RPS23: variants seen among roughly 807,000 people sequenced by gnomAD.
The protein encoded by RPS23 is ribosomal protein S23.
For synonymous variants in RPS23, 66 were observed against 60.4 expected, an observed-to-expected ratio of 1.09 and a Z score of -0.43; for missense variants, 73 against 174.5, an observed-to-expected ratio of 0.42 and a Z score of 3.28.
chr5:82,275,576 G>A lies in RPS23; in HGVS notation c.*533C>T. Reference sequence around the variant, plus strand: ...GTAGACACATTACAACACAGATCCTGACACCTTTAAATAATAAACAGAGTG... The same window carrying A: ...GTAGACACATTACAACACAGATCCTAACACCTTTAAATAATAAACAGAGTG... On this transcript the variant is annotated 3_prime_UTR_variant, in exon 4 of 4. Coordinates refer to ENST00000296674, the MANE Select transcript of RPS23 (RefSeq NM_001025.5). 1 of 449,184 alleles carries A rather than the reference G, an allele frequency of 2.2e-6. No individual in the cohort carries two copies. The highest frequency in any genetic ancestry group is 3.8e-5 in the Admixed American group (1 of 26,428). 27.8% of individuals were successfully genotyped at this position (449,184 alleles called of 1,614,324 possible). A position where few individuals can be genotyped will look rare whatever the true frequency, so the allele number is the denominator to read the frequency against.
In RPS23 at chr5:82,278,345, A is replaced by G; in HGVS notation, c.-22T>C. On this transcript the variant is annotated 5_prime_UTR_variant, in exon 1 of 4. Coordinates refer to ENST00000296674, the MANE Select transcript of RPS23 (RefSeq NM_001025.5). ...CCATCCTGTCGGCGCCACGGGCCTG[A>G]GCGAAAGAGAGAAGCACCGCAGGAA... The G allele has an allele frequency of 1.9e-6, 3 of 1,607,316 alleles. No homozygotes were observed. The highest frequency in any genetic ancestry group is 2.5e-6 in the Non-Finnish European group (3 of 1,177,454).
In RPS23 at chr5:82,274,939, G is replaced by T; in HGVS notation, c.*1170C>A. 1 of 415,924 alleles carries T rather than the reference G, an allele frequency of 2.4e-6. No homozygotes were observed. Among genetic ancestry groups the T allele is most frequent in the South Asian group, 3.5e-5 (1 of 28,914 alleles). 25.8% of individuals were successfully genotyped at this position (415,924 alleles called of 1,614,324 possible). On this transcript the variant is annotated 3_prime_UTR_variant, in exon 4 of 4. Coordinates refer to ENST00000296674, the MANE Select transcript of RPS23 (RefSeq NM_001025.5). ...CGACATGCAAGGAACCATAGTAACA[G>T]GAACAGAGGTCCTGAGGCTGGATAT...
chr5:82,274,980 G>A lies in RPS23; in HGVS notation c.*1129C>T, dbSNP rs1418300542. 4 of 500,056 alleles carry A rather than the reference G, an allele frequency of 8.0e-6. No individual in the cohort carries two copies. The East Asian group carries it at 1.0e-4, about 13-fold the overall frequency. The allele number at this position is 500,056 out of a possible 1,614,324, so 31.0% of individuals were successfully genotyped here. A position where few individuals can be genotyped will look rare whatever the true frequency, so the allele number is the denominator to read the frequency against. On this transcript the variant is annotated 3_prime_UTR_variant, in exon 4 of 4. Transcript: ENST00000296674. ...GGCTGGATATGGAACCCAAGTTTGA[G>A]GATGACCAACTGAGACCAGTGTTGC...
intron 1 of RPS23, 93 bp downstream of exon 1, chr5:82,278,227 C>T (rs1296448888): frequency 1.2e-5 from 13 of 1,075,606 alleles, no homozygotes; most frequent in South Asian, 5.4e-5. Context: ...CTCTCCATGG[C>T]ATCCCCCGCC....
At chr5:82,276,828 G>T in intron 2 of RPS23, 1 of 246,498 alleles carries the variant, frequency 4.1e-6, no homozygotes, top group Non-Finnish European at 7.2e-6. Flanking sequence ...CAGCCTGTGT[G>T]ACAAGGGACC....
Position 82,277,563 on chromosome 5 carries a change from A to G in RPS23, c.164+130T>C, listed in dbSNP as rs1385385911. The stretch of plus-strand genomic sequence containing the variant: ...TTTTAAATAGAACAAACGCTTTGCA[A>G]TTTTACCCCACAATGCCCAAATGAA... On this transcript the variant is annotated intron_variant, in intron 2 of 3. Coordinates refer to ENST00000296674, the MANE Select transcript of RPS23 (RefSeq NM_001025.5). 4.3e-6 allele frequency: 4 copies of G among 937,016 alleles called. No homozygotes were observed. The Admixed American group carries it at 8.5e-5, about 20-fold the overall frequency. 58.0% of individuals were successfully genotyped at this position (937,016 alleles called of 1,614,324 possible).
At chr5:82,278,047 A>G (rs892807187) in intron 1 of RPS23, 195 bp from the exon 2 acceptor site, 4 of 655,934 alleles carry the variant, frequency 6.1e-6, no homozygotes, top group South Asian at 5.9e-5. Context: ...GGCTCCGGAG[A>G]ATGTGTTCTC....
Position 82,275,063 on chromosome 5 carries a change from G to A in RPS23, c.*1046C>T, listed in dbSNP as rs1383263565. Reference sequence around the variant, plus strand: ...GGCTAAGGCTGGAATATGCAGGTATGAAGCGCAACCTGGGTTCTTCTGTGC... The same window carrying A: ...GGCTAAGGCTGGAATATGCAGGTATAAAGCGCAACCTGGGTTCTTCTGTGC... On this transcript the variant is annotated 3_prime_UTR_variant, in exon 4 of 4. Transcript: ENST00000296674. The A allele has an allele frequency of 8.3e-6, 5 of 600,710 alleles. No individual in the cohort carries two copies. Among genetic ancestry groups the A allele is most frequent in the South Asian group, 8.0e-5 (4 of 49,786 alleles). 37.2% of individuals were successfully genotyped at this position (600,710 alleles called of 1,614,324 possible). A position where few individuals can be genotyped will look rare whatever the true frequency, so the allele number is the denominator to read the frequency against.
intron 2 of RPS23, chr5:82,277,482 G>A: frequency 3.4e-6 from 2 of 581,566 alleles, no homozygotes; most frequent in South Asian, 2.0e-5. Flanking sequence ...TTCCTTCCAG[G>A]CCAACGTTAA....
Position 82,275,797 on chromosome 5 carries a change from C to T in RPS23, c.*312G>A, listed in dbSNP as rs1034308088. Reference sequence around the variant, plus strand: ...AATTTCAGTGAGTTTTTGAAGTTCCCTTAAAGTTCTTAAAGTAATACTACA... The same window carrying T: ...AATTTCAGTGAGTTTTTGAAGTTCCTTTAAAGTTCTTAAAGTAATACTACA... On this transcript the variant is annotated 3_prime_UTR_variant, in exon 4 of 4. Coordinates refer to ENST00000296674, the MANE Select transcript of RPS23 (RefSeq NM_001025.5). 6 of 292,186 alleles carry T rather than the reference C, an allele frequency of 2.1e-5. No individual in the cohort carries two copies. The highest frequency in any genetic ancestry group is 1.3e-4 in the African/African-American group (6 of 45,946). 18.1% of individuals were successfully genotyped at this position (292,186 alleles called of 1,614,324 possible).
In RPS23 at chr5:82,275,386, AACC is replaced by A. The variant is rs1747751484; in HGVS notation, c.*720_*722del. On this transcript the variant is annotated 3_prime_UTR_variant, in exon 4 of 4. Transcript: ENST00000296674. ...CACAACCAATCTTGTCTCTACACTA[AACC>A]ACTTCATTTGCTGACTAGTCTTTGA... is the stretch of plus-strand genomic sequence containing the variant. 2.9e-6 allele frequency: 2 copies of A among 695,948 alleles called. No individual in the cohort carries two copies. The highest frequency in any genetic ancestry group is 3.0e-5 in the South Asian group (2 of 66,716). The allele number at this position is 695,948 out of a possible 1,614,324, so 43.1% of individuals were successfully genotyped here.
chr5:82,278,229 T>C, intron 1 of RPS23, 91 bp downstream of exon 1: 1 of 760,230 alleles, frequency 1.3e-6, no homozygotes, highest in Non-Finnish European at 2.1e-6. Flanking sequence ...CTCCATGGCA[T>C]CCCCCGCCCT....
intron 1 of RPS23, 113 bp from the exon 2 acceptor site, chr5:82,277,965 C>CTATT: frequency 1.0e-6 from 1 of 984,596 alleles, no homozygotes; most frequent in Non-Finnish European, 1.5e-6. Context: ...GGCTCTCGTA[C>CTATT]TATTTATTGG....
In RPS23 at chr5:82,274,241, T is replaced by C. The variant is rs1000912449; in HGVS notation, c.*1868A>G. On this transcript the variant is annotated 3_prime_UTR_variant, in exon 4 of 4. Transcript: ENST00000296674. ...GATGTGTATTTTTGTCTCTCCTCCA[T>C]GGATACATGAAGGAAAGGGCCTTGG... 1.3e-5 allele frequency: 2 copies of C among 152,098 alleles called. No individual in the cohort carries two copies. Among genetic ancestry groups the C allele is most frequent in the African/African-American group, 2.4e-5 (1 of 41,382 alleles). 9.4% of individuals were successfully genotyped at this position (152,098 alleles called of 1,614,324 possible). A position where few individuals can be genotyped will look rare whatever the true frequency, so the allele number is the denominator to read the frequency against.
At position 82,275,621 on chromosome 5, in the gene RPS23, C is replaced by A. The variant is rs1399501154; in HGVS notation, c.*488G>T. On this transcript the variant is annotated 3_prime_UTR_variant, in exon 4 of 4. Coordinates refer to ENST00000296674, the MANE Select transcript of RPS23 (RefSeq NM_001025.5). ...AGAGTGGGGAGCAATTTTGAGTTTA[C>A]TATTTATCATCTTGGGCCCCTGTAA... The A allele has an allele frequency of 5.8e-6, 2 of 347,512 alleles. No individual in the cohort carries two copies. Among genetic ancestry groups the A allele is most frequent in the Admixed American group, 8.7e-5 (2 of 22,936 alleles). 21.5% of individuals were successfully genotyped at this position (347,512 alleles called of 1,614,324 possible). A position where few individuals can be genotyped will look rare whatever the true frequency, so the allele number is the denominator to read the frequency against.
In RPS23 at chr5:82,274,292, G is replaced by A. The variant is rs1322934894; in HGVS notation, c.*1817C>T. The A allele has an allele frequency of 1.3e-5, 2 of 151,106 alleles. No homozygotes were observed. Among genetic ancestry groups the A allele is most frequent in the Admixed American group, 1.3e-4 (2 of 15,230 alleles). 9.4% of individuals were successfully genotyped at this position (151,106 alleles called of 1,614,324 possible). On this transcript the variant is annotated 3_prime_UTR_variant, in exon 4 of 4. Transcript: ENST00000296674. ...ACACAAGGCAGTGGGGAAAGGGGCT[G>A]GGGGGCCACACAGAGAAAGGAGAAG...
At chr5:82,277,945 T>TC in intron 1 of RPS23, 93 bp from the exon 2 acceptor site, 1 of 1,151,820 alleles carries the variant, frequency 8.7e-7, no homozygotes, top group Non-Finnish European at 1.3e-6. Flanking sequence ...AATAAACCCT[T>TC]AAGCCGATTG....
In RPS23 at chr5:82,275,726, C is replaced by T. The variant is rs1747758757; in HGVS notation, c.*383G>A. 4.1e-6 allele frequency: 1 copy of T among 245,486 alleles called. No individual in the cohort carries two copies. Among genetic ancestry groups the T allele is most frequent in the Non-Finnish European group, 7.7e-6 (1 of 129,324 alleles). 15.2% of individuals were successfully genotyped at this position (245,486 alleles called of 1,614,324 possible). A position where few individuals can be genotyped will look rare whatever the true frequency, so the allele number is the denominator to read the frequency against. ...GAAATTTGGTAACTGAAGTGTTGCA[C>T]CCGATATGGAAAATACCAAGAATAA... On this transcript the variant is annotated 3_prime_UTR_variant, in exon 4 of 4. Coordinates refer to ENST00000296674, the MANE Select transcript of RPS23 (RefSeq NM_001025.5).
At chr5:82,277,275 C>T (rs1015625170) in intron 2 of RPS23, 13 of 198,260 alleles carry the variant, frequency 6.6e-5, no homozygotes, top group Non-Finnish European at 1.0e-4. Flanking sequence ...AAAGTCAAAA[C>T]CAGTCAAATA....
Sources: gnomAD v4.1 joint callset for allele counts on GRCh38, gnomAD v4.1.1 for gene constraint, MANE v1.5 for transcripts, NCBI Gene and HGNC (gene_info 2026-07-23, HGNC 2026-07-21) for gene names.